ADGRG4: variants seen among roughly 807,000 people sequenced by gnomAD.
ADGRG4 encodes the protein G protein-coupled receptor 112.
In ADGRG4, 122 loss-of-function variants were observed where a neutral mutation model predicts 126.2. That is an observed-to-expected ratio of 0.97 (90% CI 0.83 to 1.12). The LOEUF is 1.12. Ranked by LOEUF, ADGRG4 falls within the 50% of genes most tolerant of loss-of-function variation. ADGRG4 has a pLI of 0.00. For missense variants in ADGRG4, 2,481 were observed against 2,251.8 expected (o/e 1.10, Z -2.06); for synonymous variants, 943 against 838.7 (o/e 1.12, Z -2.15).
rs377050379 is a variant in ADGRG4, at chrX:136,306,799, C to T, written c.-10+1776C>T. On this transcript the variant is annotated intron_variant, in intron 3 of 25. Coordinates refer to ENST00000394143, the MANE Select transcript of ADGRG4 (RefSeq NM_153834.4). Reference sequence around the variant, plus strand: ...GCATGAACACAGCTTACTGCATTGTCTGTCTCCCAGATTCAAGTGATTCTC... The same window carrying T: ...GCATGAACACAGCTTACTGCATTGTTTGTCTCCCAGATTCAAGTGATTCTC... Among the ~76,000 whole-genome samples, 10 of 106,516 alleles carry T rather than the reference C, an allele frequency of 9.4e-5. No homozygotes were observed. The South Asian group carries it at 4.2e-3, about 45-fold the overall frequency. The allele number at this position is 106,516 out of a possible 115,157, so 92.5% of individuals were successfully genotyped here.
intron 3 of ADGRG4, among the ~76,000 whole-genome samples, chrX:136,307,657 C>T (rs987768986): frequency 8.9e-5 from 10 of 112,503 alleles, no homozygotes; most frequent in African/African-American, 3.2e-4. Flanking sequence ...CATTCCAAAT[C>T]CCACTTGGAG....
chrX:136,364,565 C>T (rs1377308225), intron 13 of ADGRG4, among the ~76,000 whole-genome samples: 3 of 111,678 alleles, frequency 2.7e-5, no homozygotes, highest in African/African-American at 9.7e-5. Context: ...TTGTCAGTAA[C>T]ATTTTTCTTT....
chrX:136,413,512 C>A (rs186891764), intron 24 of ADGRG4, among the ~76,000 whole-genome samples: 3 of 110,357 alleles, frequency 2.7e-5, no homozygotes. Context: ...AACAAATTTA[C>A]GAGAAAAAAA....
chrX:136,327,179 C>T (rs897101504), intron 5 of ADGRG4, among the ~76,000 whole-genome samples: 1 of 110,756 alleles, frequency 9.0e-6, no homozygotes, highest in African/African-American at 3.3e-5. Context: ...CAAGTAAAAC[C>T]TACCCTTCAC....
chrX:136,413,390 C>T (rs2075457666), intron 24 of ADGRG4, among the ~76,000 whole-genome samples: 1 of 110,465 alleles, frequency 9.1e-6, no homozygotes, highest in African/African-American at 3.3e-5. Flanking sequence ...TTTCCAATTT[C>T]ATCCATGTCC....
intron 4 of ADGRG4, among the ~76,000 whole-genome samples, chrX:136,309,824 T>A (rs2074756611): frequency 8.9e-6 from 1 of 112,206 alleles, no homozygotes; most frequent in Admixed American, 9.5e-5. Flanking sequence ...GGCAAGAAAC[T>A]GTATTTTCCC....
chrX:136,337,444 A>G lies in ADGRG4; in HGVS notation c.686-6948A>G, dbSNP rs73633456. 8.6e-3 allele frequency among the ~76,000 whole-genome samples: 964 copies of G among 112,200 alleles called. 14 individuals are homozygous for G. The highest frequency in any genetic ancestry group is 0.03 in the African/African-American group (921 of 30,920). ...TTCTCCAAGATTCTTTAAAAAAATTATTTCTGTTTGAAGTAATTCCTTTAG... is the reference window on the plus strand; with the variant it reads ...TTCTCCAAGATTCTTTAAAAAAATTGTTTCTGTTTGAAGTAATTCCTTTAG... On this transcript the variant is annotated intron_variant, in intron 5 of 25. Coordinates refer to ENST00000394143, the MANE Select transcript of ADGRG4 (RefSeq NM_153834.4).
intron 5 of ADGRG4, among the ~76,000 whole-genome samples, chrX:136,340,576 A>G (rs1352644928): frequency 1.8e-5 from 2 of 111,433 alleles, no homozygotes; most frequent in Non-Finnish European, 3.8e-5. Flanking sequence ...GGCATTTAGT[A>G]TCTAACTTTG....
Position 136,356,128 on chromosome X carries a change from A to G in ADGRG4, c.6890A>G (p.Asp2297Gly). ...ATTTTGTAATGCTTTTGATACAGGG[A>G]CATTTCAGAGGAAGAGATGGTCATG... Reference protein sequence around the residue: ...ATLETQIKSRDISEEEMVMDR... With the variant: ...ATLETQIKSRGISEEEMVMDR... Residue 2297 changes from aspartate to glycine, a missense_variant and splice_region_variant, in exon 9 of 26, where the codon GAC becomes GGC. Asp to Gly is a moderately conservative substitution (Grantham distance 94, BLOSUM62 -1). Transcript: ENST00000394143. 8.5e-7 allele frequency: 1 copy of G among 1,180,529 alleles called. No homozygotes were observed. The highest frequency in any genetic ancestry group is 1.7e-5 in the African/African-American group (1 of 57,265).
intron 5 of ADGRG4, among the ~76,000 whole-genome samples, chrX:136,334,048 G>A (rs1433111281): frequency 5.5e-5 from 6 of 109,998 alleles, no homozygotes; most frequent in Non-Finnish European, 7.6e-5. Context: ...TGCATAAGAT[G>A]TGTGAGGTGT....
At chrX:136,308,165 G>C (rs1199636135) in intron 3 of ADGRG4, among the ~76,000 whole-genome samples, 2 of 112,768 alleles carry the variant, frequency 1.8e-5, no homozygotes, top group African/African-American at 6.4e-5. Flanking sequence ...GCGCAGTGGC[G>C]CAATCTCGGC....
In ADGRG4 at chrX:136,347,371, A is replaced by T; in HGVS notation, c.3665A>T (p.Lys1222Met). ...ETTPSHISAN[K>M]LTTSVNSHIS... ...ACACCCTCACACATCTCTGCCAATA[A>T]GTTGACTACTTCAGTAAACAGTCAC... The change falls in exon 6 of 26, where the codon AAG becomes ATG. Residue 1222 changes from lysine (K) to methionine (M), a missense_variant. Transcript: ENST00000394143. The T allele has an allele frequency of 2.5e-6, 3 of 1,209,580 alleles. No individual in the cohort carries two copies. Among genetic ancestry groups the T allele is most frequent in the South Asian group, 1.8e-5 (1 of 56,882 alleles).
intron 13 of ADGRG4, among the ~76,000 whole-genome samples, chrX:136,370,368 C>T (rs2075185288): frequency 8.9e-6 from 1 of 111,838 alleles, no homozygotes; most frequent in Admixed American, 9.5e-5. Flanking sequence ...GTGTTATATT[C>T]AACTAAAATA....
rs772560584 is a variant in ADGRG4, at chrX:136,348,673, TA to T, written c.4972del (p.Thr1658ProfsTer10). On this transcript the variant is annotated frameshift_variant, in exon 6 of 26. Transcript: ENST00000394143. LOFTEE classifies it high-confidence loss of function. ...CCAACAGAGCCAACTTTGCCCTTTG[TA>T]AAAACCGTTCCCACCACCATTATGG... ...LSPTEPTLPF[V>X]KTVPTTIMAG... The T allele has an allele frequency of 8.0e-5, 97 of 1,208,028 alleles. No individual in the cohort carries two copies. Among genetic ancestry groups the T allele is most frequent in the Non-Finnish European group, 1.1e-4 (94 of 894,504 alleles).
intron 4 of ADGRG4, among the ~76,000 whole-genome samples, chrX:136,319,888 A>G (rs1363880156): frequency 8.9e-6 from 1 of 111,909 alleles, no homozygotes. Flanking sequence ...TGTTTAAAAC[A>G]TGCAAATATG....
intron 4 of ADGRG4, among the ~76,000 whole-genome samples, chrX:136,311,341 G>C (rs182098074): frequency 1.8e-5 from 2 of 108,798 alleles, no homozygotes; most frequent in Non-Finnish European, 3.8e-5. Flanking sequence ...GGGTAGGTTT[G>C]GGTTGAAGAC....
intron 16 of ADGRG4, 71 bp downstream of exon 16, chrX:136,387,945 A>G: frequency 2.1e-6 from 2 of 970,647 alleles, no homozygotes; most frequent in Non-Finnish European, 2.9e-6. Context: ...AACTCTTGCT[A>G]TTTTCATGAT....
intron 5 of ADGRG4, among the ~76,000 whole-genome samples, chrX:136,335,322 A>G (rs2074942149): frequency 1.9e-5 from 2 of 107,984 alleles, no homozygotes; most frequent in Admixed American, 9.9e-5. Context: ...TTCAGGAGAG[A>G]TATTGGTCTG....
At chrX:136,361,423 T>A (rs770782633) in intron 11 of ADGRG4, 32 bp from the exon 12 acceptor site, 1 of 1,045,074 alleles carries the variant, frequency 9.6e-7, no homozygotes, top group South Asian at 3.0e-5. Context: ...GTGCCTCTTG[T>A]CCTTTAAAAT....
Sources: gnomAD v4.1 joint callset for allele counts (sites outside exome capture counted in the v4.1 genomes callset) on GRCh38, gnomAD v4.1.1 for gene constraint, MANE v1.5 for transcripts, NCBI Gene and HGNC (gene_info 2026-07-23, HGNC 2026-07-21) for gene names.